CREB3L2: variants seen among roughly 807,000 people sequenced by gnomAD.
The protein encoded by CREB3L2 is cAMP responsive element binding protein 3 like 2.
A neutral mutation model predicts 57.2 loss-of-function variants in CREB3L2; 23 were observed. The ratio of observed to expected loss-of-function variants is 0.40; its 90% CI spans 0.29 to 0.57. CREB3L2 has a LOEUF of 0.57. CREB3L2 is among the 20% of genes least tolerant of loss of function. The pLI is 0.42. For synonymous variants in CREB3L2, 268 were observed against 265.1 expected (o/e 1.01, Z -0.11); for missense variants, 628 against 634.7 (o/e 0.99, Z 0.11).
At chr7:137,918,260 G>A (rs1009879526) in intron 2 of CREB3L2, among the ~76,000 whole-genome samples, 3 of 152,042 alleles carry the variant, frequency 2.0e-5, no homozygotes, top group Non-Finnish European at 2.9e-5. Context: ...GCACCATCTC[G>A]GCTCGCTGCA....
intron 8 of CREB3L2, among the ~76,000 whole-genome samples, chr7:137,887,242 G>C (rs1349349077): frequency 6.6e-6 from 1 of 152,010 alleles, no homozygotes; most frequent in Non-Finnish European, 1.5e-5. Flanking sequence ...ATTTTTCCTG[G>C]GCTTACATCT....
intron 1 of CREB3L2, among the ~76,000 whole-genome samples, chr7:137,936,566 G>A (rs1301751111): frequency 6.6e-6 from 1 of 152,086 alleles, no homozygotes; most frequent in East Asian, 1.9e-4. Context: ...AGACCCTTTT[G>A]GGAATCTAAT....
At chr7:137,961,229 A>C (rs1157056722) in intron 1 of CREB3L2, among the ~76,000 whole-genome samples, 2 of 151,040 alleles carry the variant, frequency 1.3e-5, no homozygotes, top group East Asian at 2.0e-4. Context: ...AGAACATTAA[A>C]ATTTTTCATT....
intron 1 of CREB3L2, among the ~76,000 whole-genome samples, chr7:137,975,840 T>C (rs552537584): frequency 3.9e-5 from 6 of 152,368 alleles, no homozygotes; most frequent in African/African-American, 1.4e-4. Flanking sequence ...TAAACTATAT[T>C]CATTCTCTGG....
rs538088113 is a variant in CREB3L2, at chr7:137,913,061, C to A, written c.513G>T (p.Gln171His). 1.9e-6 allele frequency: 3 copies of A among 1,613,744 alleles called. No individual in the cohort carries two copies. Among genetic ancestry groups the A allele is most frequent in the Non-Finnish European group, 2.5e-6 (3 of 1,179,934 alleles). ...EMNTGVDSSC[Q>H]TIIPKIKLEP... Reference sequence around the variant, plus strand: ...CCAGCTTAATTTTAGGAATAATGGTCTGGCACGAGGAATCAACCTGGAGGA... The same window carrying A: ...CCAGCTTAATTTTAGGAATAATGGTATGGCACGAGGAATCAACCTGGAGGA... The change falls in exon 4 of 12, where the codon CAG becomes CAT. Residue 171 changes from glutamine to histidine, a missense_variant. Gln to His is a conservative substitution (Grantham distance 24). Coordinates refer to ENST00000330387, the MANE Select transcript of CREB3L2 (RefSeq NM_194071.4).
chr7:137,994,065 T>A (rs1468878037), intron 1 of CREB3L2, among the ~76,000 whole-genome samples: 1 of 152,200 alleles, frequency 6.6e-6, no homozygotes, highest in Non-Finnish European at 1.5e-5. Context: ...CCAGAGACAG[T>A]GGGTCTCATT....
chr7:137,932,263 C>A (rs1457444974), intron 1 of CREB3L2, among the ~76,000 whole-genome samples: 1 of 152,144 alleles, frequency 6.6e-6, no homozygotes, highest in African/African-American at 2.4e-5. Context: ...GGAACCCTCA[C>A]ATTTTTATTG....
intron 1 of CREB3L2, among the ~76,000 whole-genome samples, chr7:137,981,511 T>G (rs1048815836): frequency 2.0e-5 from 3 of 152,084 alleles, no homozygotes; most frequent in Non-Finnish European, 4.4e-5. Context: ...GAAAAAATAA[T>G]AAGTATGGGG....
chr7:137,905,489 G>C (rs1465442473), intron 6 of CREB3L2, among the ~76,000 whole-genome samples: 4 of 151,846 alleles, frequency 2.6e-5, no homozygotes, highest in Admixed American at 6.6e-5. Context: ...ACTGATCTGG[G>C]AGTCTGCTGG....
At chr7:137,916,875 G>A (rs1277046062) in intron 2 of CREB3L2, among the ~76,000 whole-genome samples, 1 of 152,180 alleles carries the variant, frequency 6.6e-6, no homozygotes, top group Non-Finnish European at 1.5e-5. Flanking sequence ...GGGAGAAGAT[G>A]AGAGAACATG....
At chr7:137,897,100 GAAAA>G (rs898650307) in intron 8 of CREB3L2, among the ~76,000 whole-genome samples, 7 of 150,896 alleles carry the variant, frequency 4.6e-5, no homozygotes, top group Admixed American at 1.3e-4. Flanking sequence ...GCACCAAAAA[GAAAA>G]AGAAAAAAAA....
intron 2 of CREB3L2, among the ~76,000 whole-genome samples, chr7:137,918,996 C>G (rs1260079117): frequency 6.6e-6 from 1 of 152,074 alleles, no homozygotes; most frequent in African/African-American, 2.4e-5. Flanking sequence ...CTCTCAAGGA[C>G]AACTGTACAT....
At chr7:137,947,885 C>T (rs889076692) in intron 1 of CREB3L2, among the ~76,000 whole-genome samples, 1 of 152,202 alleles carries the variant, frequency 6.6e-6, no homozygotes, top group Non-Finnish European at 1.5e-5. Context: ...CCTTCCCCTG[C>T]CCTGTCTTTA....
At chr7:137,901,530 T>C in intron 7 of CREB3L2, 108 bp from the exon 8 acceptor site, 1 of 634,650 alleles carries the variant, frequency 1.6e-6, no homozygotes, top group Non-Finnish European at 2.8e-6. Flanking sequence ...TGGGGGGATC[T>C]GCCACCCCAT....
chr7:137,922,384 G>GTATATATATA lies in CREB3L2; in HGVS notation c.319+5756_319+5765dup, dbSNP rs1175503933. Among the ~76,000 whole-genome samples, 112 of 19,526 alleles carry GTATATATATA rather than the reference G, an allele frequency of 5.7e-3. 1 individual carries two copies. The highest frequency in any genetic ancestry group is 5.4e-3 in the Non-Finnish European group (65 of 11,954). 12.8% of individuals were successfully genotyped at this position (19,526 alleles called of 152,430 possible). On this transcript the variant is annotated intron_variant, in intron 2 of 11. Transcript: ENST00000330387. ...TTTCTGGTTTACTATATATATATATGTATATATATATATATATATATATAT... is the reference window on the plus strand; with the variant it reads ...TTTCTGGTTTACTATATATATATATGTATATATATATATATATATATATATATATATATAT...
At chr7:137,974,266 T>G (rs1302541612) in intron 1 of CREB3L2, among the ~76,000 whole-genome samples, 2 of 151,938 alleles carry the variant, frequency 1.3e-5, no homozygotes, top group African/African-American at 4.8e-5. Flanking sequence ...ATCAAAAACA[T>G]GAAATATTAT....
At chr7:137,966,770 A>G (rs1236149253) in intron 1 of CREB3L2, among the ~76,000 whole-genome samples, 1 of 152,172 alleles carries the variant, frequency 6.6e-6, no homozygotes, top group African/African-American at 2.4e-5. Context: ...GTGCTTCTGA[A>G]TCCTTGTCTC....
Position 137,905,827 on chromosome 7 carries a change from G to C in CREB3L2, c.790C>G (p.Leu264Val). ...CTCTTCTCCTCCTCTGTCAGGACCAGAGGGCCTGATCCCTGCAGTTTCTGT... is the reference window on the plus strand; with the variant it reads ...CTCTTCTCCTCCTCTGTCAGGACCACAGGGCCTGATCCCTGCAGTTTCTGT... Reference protein sequence around the residue: ...APHKLQGSGPLVLTEEEKRTL... With the variant: ...APHKLQGSGPVVLTEEEKRTL... Residue 264 changes from leucine (L) to valine (V), a missense_variant, in exon 6 of 12, where the codon CTG (leucine) becomes GTG (valine). Leu to Val is a conservative substitution (Grantham distance 32). Transcript: ENST00000330387. The C allele has an allele frequency of 6.2e-7, 1 of 1,613,686 alleles. No individual in the cohort carries two copies. Among genetic ancestry groups the C allele is most frequent in the Non-Finnish European group, 8.5e-7 (1 of 1,179,808 alleles).
At chr7:137,988,437 C>G (rs1348864054) in intron 1 of CREB3L2, among the ~76,000 whole-genome samples, 1 of 152,192 alleles carries the variant, frequency 6.6e-6, no homozygotes, top group Non-Finnish European at 1.5e-5. Context: ...CTCACCTGTC[C>G]TTATTATTAT....
Sources: allele counts gnomAD v4.1 joint callset (sites outside exome capture counted in the v4.1 genomes callset), GRCh38; gene constraint gnomAD v4.1.1; transcripts MANE v1.5; gene names NCBI Gene and HGNC (gene_info 2026-07-23, HGNC 2026-07-21).